FSD1L: variants seen among roughly 807,000 people sequenced by gnomAD.
The protein encoded by FSD1L is FSD1-like protein.
Under a neutral mutation model 71.6 loss-of-function variants are expected in FSD1L, and 45 were observed. The ratio of observed to expected loss-of-function variants is 0.63; its 90% CI spans 0.49 to 0.81. FSD1L has a LOEUF of 0.81. Ranked by LOEUF, FSD1L falls within the 30% of genes least tolerant of loss-of-function variation. FSD1L has a pLI of 0.00. For missense variants in FSD1L, 561 were observed against 618.1 expected, an observed-to-expected ratio of 0.91 and a Z score of 0.98; for synonymous variants, 197 against 207.2, an observed-to-expected ratio of 0.95 and a Z score of 0.42.
chr9:105,546,576 G>T lies in FSD1L; in HGVS notation c.*93G>T, dbSNP rs1218290869. On this transcript the variant is annotated 3_prime_UTR_variant, in exon 14 of 14. Transcript: ENST00000481272. ...AGGAATTTGGTAGTAGTGAAAATCA[G>T]GTTTGCTGTGTTCTGCTTTGAGGCC... The T allele has an allele frequency of 7.7e-7, 1 of 1,305,684 alleles. No homozygotes were observed. Among genetic ancestry groups the T allele is most frequent in the Admixed American group, 3.2e-5 (1 of 31,610 alleles). 80.9% of individuals were successfully genotyped at this position (1,305,684 alleles called of 1,614,324 possible). A position where few individuals can be genotyped will look rare whatever the true frequency, so the allele number is the denominator to read the frequency against.
chr9:105,528,162 CA>C (rs1465477549), intron 10 of FSD1L, among the ~76,000 whole-genome samples: 2 of 152,178 alleles, frequency 1.3e-5, no homozygotes, highest in Admixed American at 6.6e-5. Context: ...AATGGAAAAA[CA>C]TTCCATGCTC....
intron 10 of FSD1L, chr9:105,522,475 C>G: frequency 3.7e-6 from 6 of 1,613,798 alleles, no homozygotes; most frequent in Non-Finnish European, 5.1e-6. Context: ...ACTGGTTCTC[C>G]AGGAACCGAA....
intron 11 of FSD1L, 45 bp from the exon 12 acceptor site, chr9:105,535,022 C>A: frequency 6.5e-7 from 1 of 1,545,516 alleles, no homozygotes; most frequent in South Asian, 1.2e-5. Context: ...CTGTGTGACT[C>A]ATAAGGAAGA....
intron 10 of FSD1L, chr9:105,522,311 A>G (rs964369438): frequency 1.3e-5 from 21 of 1,613,856 alleles, no homozygotes; most frequent in South Asian, 3.3e-5. Flanking sequence ...GTGATTTACC[A>G]TTGGATAAGC....
chr9:105,507,376 A>G (rs1166560350), intron 8 of FSD1L, among the ~76,000 whole-genome samples: 1 of 152,244 alleles, frequency 6.6e-6, no homozygotes, highest in East Asian at 1.9e-4. Flanking sequence ...GAGGAGTAAT[A>G]TTAGGAGCAC....
At chr9:105,525,303 G>T in intron 10 of FSD1L, 2 of 1,608,604 alleles carry the variant, frequency 1.2e-6, no homozygotes, top group Middle Eastern at 1.7e-4. Flanking sequence ...ATGAACTCTT[G>T]CAGTATTTGG....
intron 11 of FSD1L, 36 bp from the exon 12 acceptor site, chr9:105,535,031 G>A (rs41277775): frequency 0.011 from 17,261 of 1,547,670 alleles, 139 homozygotes; most frequent in Middle Eastern, 0.029. Flanking sequence ...TCATAAGGAA[G>A]AGATGAGTCA....
At chr9:105,460,759 C>T (rs553059314) in intron 1 of FSD1L, among the ~76,000 whole-genome samples, 2 of 152,244 alleles carry the variant, frequency 1.3e-5, no homozygotes, top group Admixed American at 1.3e-4. Flanking sequence ...TAGCTGCCAA[C>T]TTTGACGTGG....
At chr9:105,494,966 TGAG>T (rs904147827) in intron 7 of FSD1L, among the ~76,000 whole-genome samples, 2 of 152,178 alleles carry the variant, frequency 1.3e-5, no homozygotes, top group African/African-American at 2.4e-5. Flanking sequence ...CGGACCCACT[TGAG>T]GAGGCTGTCT....
At chr9:105,446,357 T>A (rs926401059), upstream of FSD1L, among the ~76,000 whole-genome samples, 1 of 142,318 alleles carries the variant, frequency 7.0e-6, no homozygotes, top group African/African-American at 2.6e-5. Context: ...ATTCTCTGAA[T>A]CCATTTGCCT....
At chr9:105,521,141 G>T (rs1835124770) in intron 10 of FSD1L, 2 of 1,613,736 alleles carry the variant, frequency 1.2e-6, no homozygotes, top group South Asian at 1.1e-5. Context: ...GTACAAAGGA[G>T]CCTTTCATTA....
At chr9:105,517,794 A>C (rs925124156) in intron 10 of FSD1L, among the ~76,000 whole-genome samples, 4 of 152,254 alleles carry the variant, frequency 2.6e-5, no homozygotes, top group African/African-American at 9.6e-5. Flanking sequence ...TGACAGGATC[A>C]AGTTCACACA....
rs985742675 is a variant in FSD1L at position 105,521,580 on chromosome 9, G to C, written c.1025+8644G>C. Reference sequence around the variant, plus strand: ...AGTATATCAAGAATGGATCCAACAAGAGGAAAAACCTTTGTTCATGCAAGA... The same window carrying C: ...AGTATATCAAGAATGGATCCAACAACAGGAAAAACCTTTGTTCATGCAAGA... On this transcript the variant is annotated intron_variant, in intron 10 of 13. Transcript: ENST00000481272. 3 of 1,613,352 alleles carry C rather than the reference G, an allele frequency of 1.9e-6. No individual in the cohort carries two copies. In the African/African-American group the frequency reaches 4.0e-5, roughly 22 times the overall value.
In FSD1L at chr9:105,522,759, C is replaced by T. The variant is rs1054597693; in HGVS notation, c.1025+9823C>T. 3.3e-5 allele frequency: 53 copies of T among 1,607,906 alleles called. No individual in the cohort carries two copies. The African/African-American group carries it at 6.4e-4, about 19-fold the overall frequency. On this transcript the variant is annotated intron_variant, in intron 10 of 13. Coordinates refer to ENST00000481272, the MANE Select transcript of FSD1L (RefSeq NM_001145313.3). ...TATTGGCAGCAGCAGTGCTAATGTTCCTGATCTGATGGATGAGTTTATAGC... is the reference window on the plus strand; with the variant it reads ...TATTGGCAGCAGCAGTGCTAATGTTTCTGATCTGATGGATGAGTTTATAGC...
intron 6 of FSD1L, among the ~76,000 whole-genome samples, chr9:105,482,157 A>G (rs1349277571): frequency 6.6e-6 from 1 of 152,242 alleles, no homozygotes; most frequent in Non-Finnish European, 1.5e-5. Context: ...AATATAAAAA[A>G]TGAAAATGTC....
At chr9:105,524,253 C>T (rs1175810441) in intron 10 of FSD1L, 10 of 1,612,200 alleles carry the variant, frequency 6.2e-6, no homozygotes, top group East Asian at 2.2e-5. Flanking sequence ...AACAGTAGCC[C>T]ACGTAGCTTG....
chr9:105,453,148 CTT>C (rs1223263541), intron 1 of FSD1L, among the ~76,000 whole-genome samples: 1 of 134,898 alleles, frequency 7.4e-6, no homozygotes, highest in African/African-American at 2.8e-5. Flanking sequence ...TTTGGTCTCT[CTT>C]GTTGCCCCAA....
At chr9:105,467,844 C>T (rs1038887814) in intron 3 of FSD1L, among the ~76,000 whole-genome samples, 1 of 152,110 alleles carries the variant, frequency 6.6e-6, no homozygotes, top group Non-Finnish European at 1.5e-5. Flanking sequence ...GGTTAAGAAC[C>T]ACTGGCTTAG....
rs957844407 is a variant in FSD1L at position 105,451,842 on chromosome 9, A to G, written c.15+3607A>G. On this transcript the variant is annotated intron_variant, in intron 1 of 13. Coordinates refer to ENST00000481272, the MANE Select transcript of FSD1L (RefSeq NM_001145313.3). Reference sequence around the variant, plus strand: ...TTAGAATCTTGGAGCTTGGAATTTTATAGTTTAACTTTTTGTACAGATTAT... The same window carrying G: ...TTAGAATCTTGGAGCTTGGAATTTTGTAGTTTAACTTTTTGTACAGATTAT... Among the ~76,000 whole-genome samples the G allele has an allele frequency of 2.0e-5, 3 of 152,338 alleles. No homozygotes were observed. In the South Asian group the frequency reaches 6.2e-4, roughly 32 times the overall value.
Sources: gnomAD v4.1 joint callset for allele counts (sites outside exome capture counted in the v4.1 genomes callset) on GRCh38, gnomAD v4.1.1 for gene constraint, MANE v1.5 for transcripts, NCBI Gene and HGNC (gene_info 2026-07-23, HGNC 2026-07-21) for gene names.